The following TAFA5 variants were observed in gnomAD, a reference collection of about 807,000 sequenced individuals.
TAFA5 encodes TAFA chemokine like family member 5.
Under a neutral mutation model 15.3 loss-of-function variants are expected in TAFA5, and 6 were observed. The ratio of observed to expected loss-of-function variants is 0.39; its 90% CI spans 0.21 to 0.77. The LOEUF is 0.77. Ranked by LOEUF, TAFA5 falls within the 30% of genes least tolerant of loss-of-function variation. The pLI, the probability that TAFA5 is intolerant of heterozygous loss-of-function variation, is 0.41. For missense variants in TAFA5, 161 were observed against 193.1 expected (o/e 0.83, Z 0.98); for synonymous variants, 103 against 80.7 (o/e 1.28, Z -1.48).
intron 1 of TAFA5, among the ~76,000 whole-genome samples, chr22:48,637,733 G>A (rs1257677204): frequency 6.6e-6 from 1 of 152,082 alleles, no homozygotes; most frequent in Non-Finnish European, 1.5e-5. Context: ...GGACGAGGCA[G>A]AGTAGAACTC....
At position 48,727,622 on chromosome 22, in the gene TAFA5, G is replaced by A. The variant is rs115567843; in HGVS notation, c.390+19778G>A. Among the ~76,000 whole-genome samples the A allele has an allele frequency of 5.9e-3, 899 of 152,298 alleles. 7 individuals carry two copies. The highest frequency in any genetic ancestry group is 0.021 in the African/African-American group (866 of 41,566). On this transcript the variant is annotated intron_variant, in intron 3 of 3. Transcript: ENST00000402357. ...GTCACTATCAGTGAAGACAATAAAT[G>A]TAAATGGATTAGTCTCCTCTATTAA...
At chr22:48,698,037 G>A (rs993354985) in intron 2 of TAFA5, among the ~76,000 whole-genome samples, 1 of 150,686 alleles carries the variant, frequency 6.6e-6, no homozygotes, top group African/African-American at 2.5e-5. Context: ...GATAATGGTG[G>A]CGATGGTGGT....
intron 1 of TAFA5, among the ~76,000 whole-genome samples, chr22:48,504,477 A>G (rs1251842700): frequency 1.3e-5 from 2 of 152,144 alleles, no homozygotes; most frequent in African/African-American, 4.8e-5. Flanking sequence ...GTCCAATGAC[A>G]TTCTTTTCCT....
In TAFA5 at chr22:48,550,664, G is replaced by A. The variant is rs114946661; in HGVS notation, c.112+60960G>A. Among the ~76,000 whole-genome samples the A allele has an allele frequency of 3.1e-3, 471 of 152,242 alleles. 5 individuals are homozygous for A. Among genetic ancestry groups the A allele is most frequent in the African/African-American group, 0.011 (444 of 41,540 alleles). On this transcript the variant is annotated intron_variant, in intron 1 of 3. Transcript: ENST00000402357. This position sits in a 1 kb window ranked among gnomAD's most constrained non-coding sequence, Gnocchi z 4.1. ...GGTCCCTTTGCAGGTTGGAACCTGC[G>A]GCTCCAAGGTGAGGTGGCTTGCCTG...
At chr22:48,524,599 A>G (rs1921716200) in intron 1 of TAFA5, among the ~76,000 whole-genome samples, 1 of 152,190 alleles carries the variant, frequency 6.6e-6, no homozygotes, top group Admixed American at 6.5e-5. Flanking sequence ...CTCCGTCCAC[A>G]GCCCACCCCT....
intron 1 of TAFA5, among the ~76,000 whole-genome samples, chr22:48,574,707 A>G (rs1412696923): frequency 6.6e-6 from 1 of 152,178 alleles, no homozygotes; most frequent in East Asian, 1.9e-4. Flanking sequence ...TTTTCTGGTC[A>G]TTTGAAATTG....
intron 2 of TAFA5, among the ~76,000 whole-genome samples, chr22:48,684,651 C>T (rs769325961): frequency 6.6e-6 from 1 of 152,198 alleles, no homozygotes; most frequent in Non-Finnish European, 1.5e-5. Context: ...TGCCCGCTTC[C>T]CAGGATCTTT....
chr22:48,710,588 C>G (rs1929221350), intron 3 of TAFA5, among the ~76,000 whole-genome samples: 1 of 152,218 alleles, frequency 6.6e-6, no homozygotes. Flanking sequence ...AGCATGGCTT[C>G]TGTGTGTGCA....
intron 1 of TAFA5, among the ~76,000 whole-genome samples, chr22:48,576,894 G>A (rs1215661666): frequency 6.6e-6 from 1 of 151,932 alleles, no homozygotes; most frequent in Admixed American, 6.6e-5. Flanking sequence ...CACTGGGCTC[G>A]GTGGCAGCGG....
chr22:48,630,923 C>CTGCATGG (rs1375804278), intron 1 of TAFA5, among the ~76,000 whole-genome samples: 1 of 152,030 alleles, frequency 6.6e-6, no homozygotes, highest in Non-Finnish European at 1.5e-5. Flanking sequence ...GGGGGGAGCC[C>CTGCATGG]GGCGTGCGTG....
At chr22:48,650,870 G>A (rs575005900) in intron 2 of TAFA5, among the ~76,000 whole-genome samples, 10 of 152,296 alleles carry the variant, frequency 6.6e-5, no homozygotes, top group East Asian at 1.9e-4. Context: ...GGCTGGCCAG[G>A]CCCTGCTTCT....
chr22:48,595,156 C>G (rs1182698056), intron 1 of TAFA5, among the ~76,000 whole-genome samples: 3 of 152,304 alleles, frequency 2.0e-5, no homozygotes, highest in East Asian at 3.9e-4. Context: ...GAGTTTGCAG[C>G]CTGCATGCCC....
chr22:48,576,356 G>A, intron 1 of TAFA5: 1 of 1,199,428 alleles, frequency 8.3e-7, no homozygotes, highest in Non-Finnish European at 1.0e-6. Flanking sequence ...GGCGGAGCGC[G>A]GCGTTGGCGG....
At position 48,646,708 on chromosome 22, in the gene TAFA5, T is replaced by A. The variant is rs1382108159; in HGVS notation, c.224T>A (p.Ile75Asn). ...CGCTGTGCGTGTAGAAAGGGGCAGA[T>A]CGCCGGCACCACGAGAGCCCGGCCC... ...TARCACRKGQ[I>N]AGTTRARPAC... Residue 75 changes from isoleucine to asparagine, a missense_variant, in exon 2 of 4, where the codon ATC becomes AAC. Physicochemically the swap from Ile to Asn is moderately radical, Grantham distance 149. Coordinates refer to ENST00000402357, the MANE Select transcript of TAFA5 (RefSeq NM_001082967.3). 6.2e-7 allele frequency: 1 copy of A among 1,602,022 alleles called. No individual in the cohort carries two copies. The highest frequency in any genetic ancestry group is 8.5e-7 in the Non-Finnish European group (1 of 1,176,836).
intron 1 of TAFA5, among the ~76,000 whole-genome samples, chr22:48,581,091 C>G (rs1924022481): frequency 6.6e-6 from 1 of 152,260 alleles, no homozygotes; most frequent in African/African-American, 2.4e-5. Flanking sequence ...TCATCATTTA[C>G]TATCATTTCT....
intron 2 of TAFA5, among the ~76,000 whole-genome samples, chr22:48,669,817 C>T (rs1423272206): frequency 6.6e-6 from 1 of 152,244 alleles, no homozygotes; most frequent in Non-Finnish European, 1.5e-5. Context: ...AGCCCAGAGA[C>T]GTCAGTGCTT....
At chr22:48,554,897 C>G (rs1240658612) in intron 1 of TAFA5, among the ~76,000 whole-genome samples, 1 of 152,198 alleles carries the variant, frequency 6.6e-6, no homozygotes, top group Non-Finnish European at 1.5e-5. Context: ...CTTCCTCTCC[C>G]CATAGTGGTC....
chr22:48,601,932 C>T (rs1042182661), intron 1 of TAFA5, among the ~76,000 whole-genome samples: 12 of 151,368 alleles, frequency 7.9e-5, no homozygotes, highest in African/African-American at 1.2e-4. Context: ...GGCTTTGATT[C>T]GTTGATGGGC....
At chr22:48,729,734 CAT>C (rs1479185893) in intron 3 of TAFA5, among the ~76,000 whole-genome samples, 31 of 145,612 alleles carry the variant, frequency 2.1e-4, no homozygotes, top group South Asian at 1.1e-3. Context: ...AAATATAAAA[CAT>C]AAATATAAAT....
Sources: gnomAD v4.1 joint callset for allele counts (sites outside exome capture counted in the v4.1 genomes callset) on GRCh38, gnomAD v4.1.1 for gene constraint, Gnocchi (gnomAD v3.1) non-coding constraint, MANE v1.5 for transcripts, NCBI Gene and HGNC (gene_info 2026-07-23, HGNC 2026-07-21) for gene names.